Variants in ATP11A observed in about 807,000 individuals in gnomAD.
The protein encoded by ATP11A is phospholipid-transporting ATPase IH.
ATP11A carries 81 observed loss-of-function variants against 154.4 expected under a neutral mutation model. The ratio of observed to expected loss-of-function variants is 0.52; its 90% CI spans 0.44 to 0.63. The LOEUF is 0.63. Among genes scored for constraint, ATP11A ranks in the 30% least tolerant of loss-of-function variants. The pLI is 0.00. For synonymous variants in ATP11A, 623 were observed against 585.9 expected (o/e 1.06, Z -0.91); for missense variants, 1,316 against 1,474.3 (o/e 0.89, Z 1.76).
chr13:112,820,035 G>C lies in ATP11A; in HGVS notation c.725+85G>C, dbSNP rs964315541. On this transcript the variant is annotated intron_variant, in intron 8 of 29. Transcript: ENST00000375645. ...TTCTTTGACGGACAAGGGTTTCCAC[G>C]GCGGCTGCTCTGGTAGATTTGGAAG... The C allele has an allele frequency of 3.0e-6, 4 of 1,329,914 alleles. No individual in the cohort carries two copies. In the Admixed American group the frequency reaches 1.1e-4, roughly 36 times the overall value. The allele number at this position is 1,329,914 out of a possible 1,614,324, so 82.4% of individuals were successfully genotyped here.
intron 1 of ATP11A, among the ~76,000 whole-genome samples, chr13:112,692,339 T>G (rs151037821): frequency 6.6e-6 from 1 of 152,240 alleles, no homozygotes; most frequent in East Asian, 1.9e-4. Context: ...TCCATAGAAA[T>G]GAGAGATGGA....
At chr13:112,858,423 G>C in intron 22 of ATP11A, 133 bp downstream of exon 22, 1 of 949,486 alleles carries the variant, frequency 1.1e-6, no homozygotes, top group South Asian at 2.0e-5. Context: ...AGAAAGGAAG[G>C]GGTGAATCTG....
chr13:112,794,817 G>A (rs1463938910), intron 2 of ATP11A, among the ~76,000 whole-genome samples: 4 of 152,050 alleles, frequency 2.6e-5, no homozygotes, highest in Non-Finnish European at 5.9e-5. Flanking sequence ...GCAGTGAGCC[G>A]AGATTGTGCC....
At chr13:112,770,703 G>A (rs1321495988) in intron 1 of ATP11A, among the ~76,000 whole-genome samples, 1 of 152,250 alleles carries the variant, frequency 6.6e-6, no homozygotes, top group East Asian at 1.9e-4. Context: ...CACCAGAGGG[G>A]CCAGGGTGCC....
At chr13:112,865,066 G>A (rs868216276) in intron 25 of ATP11A, among the ~76,000 whole-genome samples, 7 of 129,046 alleles carry the variant, frequency 5.4e-5, no homozygotes, top group South Asian at 2.6e-4. Context: ...GCTTCCCAGC[G>A]GGATCCATCA....
At position 112,883,831 on chromosome 13, in the gene ATP11A, A is replaced by C. The variant is rs2080934284; in HGVS notation, c.*1965A>C. The C allele has an allele frequency of 6.6e-6, 1 of 152,558 alleles. No homozygotes were observed. Among genetic ancestry groups the C allele is most frequent in the Admixed American group, 6.5e-5 (1 of 15,286 alleles). 9.5% of individuals were successfully genotyped at this position (152,558 alleles called of 1,614,324 possible). On this transcript the variant is annotated 3_prime_UTR_variant, in exon 30 of 30. Coordinates refer to ENST00000375645, the MANE Select transcript of ATP11A (RefSeq NM_015205.3). ...CAAACAATGGTGTGTGCGTTTTTACAGCCCTTTTTAGGAACCCAATATGGG... is the reference window on the plus strand; with the variant it reads ...CAAACAATGGTGTGTGCGTTTTTACCGCCCTTTTTAGGAACCCAATATGGG...
At chr13:112,776,751 C>T (rs2077358741) in intron 1 of ATP11A, among the ~76,000 whole-genome samples, 2 of 152,130 alleles carry the variant, frequency 1.3e-5, no homozygotes. Flanking sequence ...CATGTGCCAC[C>T]ACTCCTGCCT....
chr13:112,872,851 CT>C (rs2080568590), intron 26 of ATP11A, among the ~76,000 whole-genome samples: 1 of 151,952 alleles, frequency 6.6e-6, no homozygotes, highest in African/African-American at 2.4e-5. Flanking sequence ...GTGGCTTTGT[CT>C]TCCTGAGCAG....
chr13:112,796,708 T>C (rs1240661360), intron 2 of ATP11A, among the ~76,000 whole-genome samples: 2 of 152,212 alleles, frequency 1.3e-5, no homozygotes, highest in East Asian at 1.9e-4. Context: ...CTCATACACC[T>C]GTCCTAACTA....
At position 112,696,997 on chromosome 13, in the gene ATP11A, G is replaced by C. The variant is rs1293969548; in HGVS notation, c.39+6542G>C. 2 of 152,812 alleles carry C rather than the reference G, an allele frequency of 1.3e-5. No individual in the cohort carries two copies. Among genetic ancestry groups the C allele is most frequent in the African/African-American group, 4.8e-5 (2 of 41,458 alleles). The allele number at this position is 152,812 out of a possible 1,614,324, so 9.5% of individuals were successfully genotyped here. On this transcript the variant is annotated intron_variant, in intron 1 of 29. Transcript: ENST00000375645. This position sits in a 1 kb window ranked among gnomAD's most constrained non-coding sequence, Gnocchi z 6.2. ...AGTGCGTGCGCAGGCTGGCGGGTGG[G>C]CGAGGCGGGTGGAGGATGCGTGGGG... is the stretch of plus-strand genomic sequence containing the variant.
intron 1 of ATP11A, among the ~76,000 whole-genome samples, chr13:112,779,292 GGTGAGTAGCCGCTGGA>G (rs1566469275): frequency 4.5e-5 from 3 of 67,066 alleles, no homozygotes; most frequent in African/African-American, 5.4e-5. Flanking sequence ...TAGCCACTGG[GGTGAGTAGCCGCTGGA>G]GTGAGGAGTA....
intron 17 of ATP11A, among the ~76,000 whole-genome samples, chr13:112,847,492 C>G (rs2079642806): frequency 6.6e-6 from 1 of 152,210 alleles, no homozygotes; most frequent in South Asian, 2.1e-4. Context: ...ATCCAGTTTT[C>G]CCAGCACCAT....
chr13:112,758,665 C>T (rs1406032865), intron 1 of ATP11A, among the ~76,000 whole-genome samples: 2 of 152,128 alleles, frequency 1.3e-5, no homozygotes, highest in East Asian at 1.9e-4. Context: ...CCTCATGATC[C>T]GCCCATCTCG....
chr13:112,879,609 G>GA (rs1314802421), intron 29 of ATP11A, among the ~76,000 whole-genome samples: 1 of 152,188 alleles, frequency 6.6e-6, no homozygotes, highest in Non-Finnish European at 1.5e-5. Flanking sequence ...AGTTTCTCCT[G>GA]CCCCCTGCGA....
intron 1 of ATP11A, among the ~76,000 whole-genome samples, chr13:112,778,698 TGA>T (rs1286795590): frequency 1.0e-5 from 1 of 96,536 alleles, no homozygotes; most frequent in Non-Finnish European, 2.0e-5. Flanking sequence ...GCCGCTGGAG[TGA>T]GGAGTAGCCG....
chr13:112,837,344 C>T (rs1288882654), intron 16 of ATP11A, among the ~76,000 whole-genome samples: 10 of 152,344 alleles, frequency 6.6e-5, no homozygotes, highest in African/African-American at 1.4e-4. Context: ...TTTCCACGGA[C>T]GGCTCAGGAA....
chr13:112,849,402 G>C (rs9550234), intron 17 of ATP11A, among the ~76,000 whole-genome samples: 40,103 of 152,178 alleles, frequency 0.26, 5,759 homozygotes, highest in Non-Finnish European at 0.31. Flanking sequence ...GTTACCACAA[G>C]AGAAAGTCCC....
intron 1 of ATP11A, among the ~76,000 whole-genome samples, chr13:112,768,581 C>T (rs570609681): frequency 7.9e-5 from 12 of 152,318 alleles, no homozygotes; most frequent in African/African-American, 2.6e-4. Context: ...TTCGTTGTCT[C>T]GGCCAGTGGC....
chr13:112,810,066 T>C (rs1451077172), intron 4 of ATP11A, among the ~76,000 whole-genome samples: 1 of 152,204 alleles, frequency 6.6e-6, no homozygotes, highest in Non-Finnish European at 1.5e-5. Flanking sequence ...TTAAGGCTGC[T>C]GCGGGTGTCA....
Sources: allele counts gnomAD v4.1 joint callset (sites outside exome capture counted in the v4.1 genomes callset), GRCh38; gene constraint gnomAD v4.1.1; non-coding constraint Gnocchi (gnomAD v3.1); transcripts MANE v1.5; gene names NCBI Gene and HGNC (gene_info 2026-07-23, HGNC 2026-07-21).